ADAMTS2: variants seen among roughly 807,000 people sequenced by gnomAD.
ADAMTS2 encodes A disintegrin and metalloproteinase with thrombospondin motifs 2.
Under a neutral mutation model 123.0 loss-of-function variants are expected in ADAMTS2, and 50 were observed. The ratio of observed to expected loss-of-function variants is 0.41; its 90% CI spans 0.32 to 0.51. The LOEUF is 0.51. Among genes scored for constraint, ADAMTS2 ranks in the 20% least tolerant of loss-of-function variants. The pLI is 0.35. For missense variants in ADAMTS2, 1,494 were observed against 1,705.2 expected, an observed-to-expected ratio of 0.88 and a Z score of 2.18; for synonymous variants, 678 against 695.4, an observed-to-expected ratio of 0.98 and a Z score of 0.39.
chr5:179,122,958 C>A lies in ADAMTS2; in HGVS notation c.2959-185G>T, dbSNP rs1017747978. 1.1e-4 allele frequency: 90 copies of A among 821,074 alleles called. 1 individual carries two copies. Among genetic ancestry groups the A allele is most frequent in the South Asian group, 2.8e-4 (17 of 60,690 alleles). The allele number at this position is 821,074 out of a possible 1,614,324, so 50.9% of individuals were successfully genotyped here. ...CGGGGGCAGCCCCAATCTCCTGGGG[C>A]TCTAAAGAAGGGACCCACATGCCTG... On this transcript the variant is annotated intron_variant, in intron 19 of 21. Transcript: ENST00000251582.
intron 10 of ADAMTS2, among the ~76,000 whole-genome samples, chr5:179,150,591 C>T (rs529048607): frequency 4.8e-4 from 73 of 152,266 alleles, no homozygotes; most frequent in East Asian, 2.3e-3. Flanking sequence ...ATTCAGCGAT[C>T]GAGAGAAATG....
At chr5:179,302,731 G>A (rs577452211) in intron 2 of ADAMTS2, among the ~76,000 whole-genome samples, 3 of 152,170 alleles carry the variant, frequency 2.0e-5, no homozygotes, top group East Asian at 1.9e-4. Flanking sequence ...GTTGAGGGGG[G>A]CGGGGGACTT....
intron 3 of ADAMTS2, among the ~76,000 whole-genome samples, chr5:179,259,221 C>T (rs1056315209): frequency 6.6e-6 from 1 of 152,212 alleles, no homozygotes. Context: ...CATCTGCTGC[C>T]CTGGCCCCTT....
At chr5:179,131,504 G>A (rs1344530490) in intron 15 of ADAMTS2, among the ~76,000 whole-genome samples, 1 of 152,140 alleles carries the variant, frequency 6.6e-6, no homozygotes, top group African/African-American at 2.4e-5. Flanking sequence ...CCTGGGGATG[G>A]GGATGAATGT....
chr5:179,245,787 A>AAAC (rs1367952378), intron 3 of ADAMTS2, among the ~76,000 whole-genome samples: 2,647 of 76,106 alleles, frequency 0.035, 281 homozygotes, highest in African/African-American at 0.11. Context: ...AAAAAAAAAA[A>AAAC]AAAAAAAACA....
intron 20 of ADAMTS2, among the ~76,000 whole-genome samples, 188 bp downstream of exon 20, chr5:179,122,456 A>C (rs893681710): frequency 1.3e-5 from 2 of 152,088 alleles, no homozygotes; most frequent in African/African-American, 4.8e-5. Context: ...AGCTCCACAC[A>C]GCTCCCTCCA....
At chr5:179,222,380 G>T (rs1295336050) in intron 3 of ADAMTS2, among the ~76,000 whole-genome samples, 1 of 152,198 alleles carries the variant, frequency 6.6e-6, no homozygotes, top group African/African-American at 2.4e-5. Context: ...CAGCCTCACA[G>T]GGCCTTTCCT....
Position 179,128,387 on chromosome 5 carries a change from T to C in ADAMTS2, c.2458-269A>G, listed in dbSNP as rs1031299206. The stretch of plus-strand genomic sequence containing the variant: ...TTTTATGTGTGAGTCTGTTTATTTT[T>C]TTGTTTGTTTTTGTTTGTTTTTGAG... On this transcript the variant is annotated intron_variant, in intron 16 of 21. Transcript: ENST00000251582. The surrounding 1 kb of genome is among the most constrained non-coding windows in gnomAD (Gnocchi z 4.9). Among the ~76,000 whole-genome samples the C allele has an allele frequency of 6.6e-6, 1 of 151,472 alleles. No individual in the cohort carries two copies. The highest frequency in any genetic ancestry group is 6.6e-5 in the Admixed American group (1 of 15,218).
chr5:179,325,557 C>T (rs549082365), intron 2 of ADAMTS2, among the ~76,000 whole-genome samples: 2 of 152,352 alleles, frequency 1.3e-5, no homozygotes, highest in South Asian at 4.1e-4. Context: ...CCTGGCCAGC[C>T]GAAGTCCTGC....
At chr5:179,271,165 G>A (rs1230076157) in intron 3 of ADAMTS2, among the ~76,000 whole-genome samples, 1 of 152,202 alleles carries the variant, frequency 6.6e-6, no homozygotes, top group Non-Finnish European at 1.5e-5. Flanking sequence ...GGGGGTGGAG[G>A]GAGGATTCAG....
chr5:179,344,730 T>C (rs932197441), intron 1 of ADAMTS2, among the ~76,000 whole-genome samples: 2 of 152,140 alleles, frequency 1.3e-5, no homozygotes, highest in Non-Finnish European at 2.9e-5. Context: ...GCCCGAGGAC[T>C]GGGAGGGGTG....
rs1470186437 is a variant in ADAMTS2, at chr5:179,130,073, C to T, written c.2316G>A (p.Lys772=). ...CGTCATTCTCTTCATTTAAGATGAA[C>T]TTGCCTGTCTCCAGGTTCTTGACGG... is the stretch of plus-strand genomic sequence containing the variant. ...HLAVKNLETG[K]FILNEENDVD... Residue 772 remains lysine, a synonymous_variant, in exon 16 of 22, where the codon AAG becomes AAA. Transcript: ENST00000251582. This position sits in a 1 kb window ranked among gnomAD's most constrained non-coding sequence, Gnocchi z 4.3. 1.9e-6 allele frequency: 3 copies of T among 1,614,000 alleles called. No individual in the cohort carries two copies. Among genetic ancestry groups the T allele is most frequent in the Non-Finnish European group, 2.5e-6 (3 of 1,180,054 alleles).
chr5:179,301,833 TGAA>T (rs540410023), intron 2 of ADAMTS2, among the ~76,000 whole-genome samples: 50 of 152,336 alleles, frequency 3.3e-4, no homozygotes, highest in African/African-American at 1.1e-3. Context: ...ATCCAGCGTG[TGAA>T]GAAGGAGTGC....
chr5:179,138,082 T>C, intron 11 of ADAMTS2, 138 bp from the exon 12 acceptor site: 1 of 944,398 alleles, frequency 1.1e-6, no homozygotes, highest in East Asian at 2.6e-5. Context: ...AAAGGGACCT[T>C]GCCCTGCCAT....
chr5:179,297,186 T>G (rs768249327), intron 2 of ADAMTS2, among the ~76,000 whole-genome samples: 9 of 152,262 alleles, frequency 5.9e-5, no homozygotes, highest in Non-Finnish European at 1.0e-4. Flanking sequence ...ACAGGTCTCC[T>G]AGACCACAGC....
chr5:179,294,484 C>T (rs1756275981), intron 2 of ADAMTS2, among the ~76,000 whole-genome samples: 1 of 152,228 alleles, frequency 6.6e-6, no homozygotes, highest in Admixed American at 6.5e-5. Context: ...CCAGGATCAA[C>T]CCGACCCAGG....
rs941100028 is a variant in ADAMTS2, at chr5:179,189,899, G to C, written c.892-8744C>G. 1.3e-4 allele frequency among the ~76,000 whole-genome samples: 19 copies of C among 151,964 alleles called. 1 individual carries two copies. The South Asian group carries it at 2.3e-3, about 18-fold the overall frequency. On this transcript the variant is annotated intron_variant, in intron 4 of 21. Transcript: ENST00000251582. The surrounding 1 kb of genome is among the most constrained non-coding windows in gnomAD (Gnocchi z 4.2). ...AAAGTAGATTCACAAGGGCGGGTCC[G>C]GCGGGGGCGGGTGGCAATATCACAA...
intron 2 of ADAMTS2, among the ~76,000 whole-genome samples, chr5:179,328,846 C>T (rs72648843): frequency 0.16 from 24,123 of 152,092 alleles, 2,611 homozygotes; most frequent in East Asian, 0.45. Context: ...TTCTTATTTC[C>T]GTGAGAAAAT....
intron 3 of ADAMTS2, among the ~76,000 whole-genome samples, chr5:179,254,008 G>A (rs969135342): frequency 9.2e-5 from 14 of 152,164 alleles, no homozygotes; most frequent in African/African-American, 1.9e-4. Flanking sequence ...ATCCCAGGGC[G>A]GGGCAGCAGG....
Sources: gnomAD v4.1 joint callset for allele counts (sites outside exome capture counted in the v4.1 genomes callset) on GRCh38, gnomAD v4.1.1 for gene constraint, Gnocchi (gnomAD v3.1) non-coding constraint, MANE v1.5 for transcripts, NCBI Gene and HGNC (gene_info 2026-07-23, HGNC 2026-07-21) for gene names.